The following BTF3L4 variants were observed in gnomAD, a reference collection of about 807,000 sequenced individuals.
BTF3L4 encodes basic transcription factor 3 like 4, also known as transcription factor BTF3 homolog 4.
In BTF3L4, 6 loss-of-function variants were observed where a neutral mutation model predicts 16.8. The ratio of observed to expected loss-of-function variants is 0.36; its 90% CI spans 0.20 to 0.71. The LOEUF (loss-of-function observed/expected upper bound fraction) is 0.71. BTF3L4 is among the 30% of genes least tolerant of loss of function. The pLI, the probability that BTF3L4 is intolerant of heterozygous loss-of-function variation, is 0.58. For missense variants in BTF3L4, 92 were observed against 186.9 expected, an observed-to-expected ratio of 0.49 and a Z score of 2.96; for synonymous variants, 39 against 59.8, an observed-to-expected ratio of 0.65 and a Z score of 1.60.
chr1:52,065,978 C>T (rs552111493), intron 3 of BTF3L4, among the ~76,000 whole-genome samples: 210 of 152,054 alleles, frequency 1.4e-3, no homozygotes, highest in African/African-American at 4.9e-3. Context: ...GCGGAGGTTA[C>T]GGTGAGCCAA....
At position 52,086,865 on chromosome 1, in the gene BTF3L4, T is replaced by A. The variant is rs758009244; in HGVS notation, c.*107T>A. 50 of 591,980 alleles carry A rather than the reference T, an allele frequency of 8.4e-5. No homozygotes were observed. The highest frequency in any genetic ancestry group is 1.2e-4 in the African/African-American group (6 of 51,724). The allele number at this position is 591,980 out of a possible 1,614,324, so 36.7% of individuals were successfully genotyped here. A position where few individuals can be genotyped will look rare whatever the true frequency, so the allele number is the denominator to read the frequency against. ...ATCACCTGTTACTAGTTCAGTAATATAAATATTTTGTATATTAATAATGCT... is the reference window on the plus strand; with the variant it reads ...ATCACCTGTTACTAGTTCAGTAATAAAAATATTTTGTATATTAATAATGCT... On this transcript the variant is annotated 3_prime_UTR_variant, in exon 6 of 6. Transcript: ENST00000313334.
chr1:52,088,087 A>G lies in BTF3L4; in HGVS notation c.*1329A>G, dbSNP rs905498829. 1 of 152,616 alleles carries G rather than the reference A, an allele frequency of 6.6e-6. No homozygotes were observed. The highest frequency in any genetic ancestry group is 2.4e-5 in the African/African-American group (1 of 41,452). 9.5% of individuals were successfully genotyped at this position (152,616 alleles called of 1,614,324 possible). On this transcript the variant is annotated 3_prime_UTR_variant, in exon 6 of 6. Transcript: ENST00000313334. ...CTAATAGAAGCTTACTTTTTGCTAT[A>G]TCAGCATTTGTTACAGCCAATATTT...
Position 52,089,579 on chromosome 1 carries a change from TAAC to T in BTF3L4, c.*2824_*2826del, listed in dbSNP as rs1644001460. 1 of 152,224 alleles carries T rather than the reference TAAC, an allele frequency of 6.6e-6. No individual in the cohort carries two copies. Among genetic ancestry groups the T allele is most frequent in the Non-Finnish European group, 1.5e-5 (1 of 68,034 alleles). 9.4% of individuals were successfully genotyped at this position (152,224 alleles called of 1,614,324 possible). On this transcript the variant is annotated 3_prime_UTR_variant, in exon 6 of 6. Coordinates refer to ENST00000313334, the MANE Select transcript of BTF3L4 (RefSeq NM_152265.5). The stretch of plus-strand genomic sequence containing the variant: ...TAAGATTAGGTATTTTTTGCCAAGA[TAAC>T]AATGATAAAAACATTTTGGGGGGGA...
At chr1:52,060,366 C>T (rs1686479075) in intron 2 of BTF3L4, 2 of 792,106 alleles carry the variant, frequency 2.5e-6, no homozygotes, top group Non-Finnish European at 3.5e-6. Context: ...TGGATGTTAC[C>T]TACTTGTACA....
intron 3 of BTF3L4, among the ~76,000 whole-genome samples, chr1:52,071,656 T>G (rs1301177772): frequency 6.6e-6 from 1 of 152,234 alleles, no homozygotes; most frequent in Admixed American, 6.5e-5. Context: ...ATAAATTTTG[T>G]AATTGGACAC....
At chr1:52,077,763 G>C (rs2124438428) in intron 3 of BTF3L4, among the ~76,000 whole-genome samples, 2 of 152,252 alleles carry the variant, frequency 1.3e-5, no homozygotes, top group Admixed American at 1.3e-4. Context: ...AATTTACCAG[G>C]TAGGAGGCTA....
rs190863568 is a variant in BTF3L4 at position 52,065,206 on chromosome 1, T to C, written c.168+268T>C. On this transcript the variant is annotated intron_variant, in intron 3 of 5. Coordinates refer to ENST00000313334, the MANE Select transcript of BTF3L4 (RefSeq NM_152265.5). Reference sequence around the variant, plus strand: ...TTATGTAAGTGTTCTTGAATATTAATATAAAATATGTCTCTAATAATGTAG... The same window carrying C: ...TTATGTAAGTGTTCTTGAATATTAACATAAAATATGTCTCTAATAATGTAG... 6 of 205,368 alleles carry C rather than the reference T, an allele frequency of 2.9e-5. No homozygotes were observed. The Admixed American group carries it at 3.6e-4, about 12-fold the overall frequency. The allele number at this position is 205,368 out of a possible 1,614,324, so 12.7% of individuals were successfully genotyped here. A position where few individuals can be genotyped will look rare whatever the true frequency, so the allele number is the denominator to read the frequency against.
intron 3 of BTF3L4, among the ~76,000 whole-genome samples, chr1:52,079,276 G>C (rs1296060212): frequency 6.6e-6 from 1 of 151,818 alleles, no homozygotes; most frequent in Non-Finnish European, 1.5e-5. Context: ...CCAGCTACTT[G>C]GGAGGCTGAG....
chr1:52,086,050 A>G, intron 4 of BTF3L4, 62 bp from the exon 5 acceptor site: 1 of 1,162,854 alleles, frequency 8.6e-7, no homozygotes, highest in Non-Finnish European at 1.2e-6. Context: ...AGGGATAAAC[A>G]TTATAAGTTT....
chr1:52,067,622 C>G (rs190520791), intron 3 of BTF3L4, among the ~76,000 whole-genome samples: 37 of 152,316 alleles, frequency 2.4e-4, no homozygotes, highest in African/African-American at 8.9e-4. Flanking sequence ...TAAGTCCTTT[C>G]AAACCTCTTT....
intron 3 of BTF3L4, 21 bp downstream of exon 3, chr1:52,064,959 G>T: frequency 7.0e-7 from 1 of 1,428,284 alleles, no homozygotes; most frequent in Non-Finnish European, 9.8e-7. Context: ...TTTGCAAGTT[G>T]TTAAATTGTG....
chr1:52,076,896 G>C (rs1337457502), intron 3 of BTF3L4, among the ~76,000 whole-genome samples: 1 of 152,168 alleles, frequency 6.6e-6, no homozygotes, highest in African/African-American at 2.4e-5. Flanking sequence ...AAGAGGCTAG[G>C]TGTGGTGACT....
intron 2 of BTF3L4, among the ~76,000 whole-genome samples, chr1:52,061,704 G>A (rs1186351681): frequency 1.5e-5 from 2 of 131,640 alleles, no homozygotes; most frequent in African/African-American, 5.7e-5. Context: ...TCAATGGCAC[G>A]ATCTCAGCTC....
chr1:52,086,826 C>T lies in BTF3L4; in HGVS notation c.*68C>T. 2.0e-6 allele frequency: 2 copies of T among 994,224 alleles called. No individual in the cohort carries two copies. The highest frequency in any genetic ancestry group is 1.7e-5 in the African/African-American group (1 of 60,236). The allele number at this position is 994,224 out of a possible 1,614,324, so 61.6% of individuals were successfully genotyped here. Reference sequence around the variant, plus strand: ...TCAGCTATGTGGTTCCAAAGTTTTACAGACATGGAGAACATCACCTGTTAC... The same window carrying T: ...TCAGCTATGTGGTTCCAAAGTTTTATAGACATGGAGAACATCACCTGTTAC... On this transcript the variant is annotated 3_prime_UTR_variant, in exon 6 of 6. Coordinates refer to ENST00000313334, the MANE Select transcript of BTF3L4 (RefSeq NM_152265.5).
intron 2 of BTF3L4, among the ~76,000 whole-genome samples, chr1:52,064,612 G>A (rs1686599146): frequency 6.6e-6 from 1 of 152,056 alleles, no homozygotes; most frequent in Non-Finnish European, 1.5e-5. Flanking sequence ...TGAAAAAGCT[G>A]ATAAGGAAAA....
chr1:52,057,941 T>A (rs1343305173), intron 1 of BTF3L4, among the ~76,000 whole-genome samples: 1 of 152,082 alleles, frequency 6.6e-6, no homozygotes, highest in African/African-American at 2.4e-5. Context: ...TCCCAACCTC[T>A]GTCTGTTCTC....
At chr1:52,066,276 A>G (rs967572644) in intron 3 of BTF3L4, among the ~76,000 whole-genome samples, 16 of 151,798 alleles carry the variant, frequency 1.1e-4, no homozygotes, top group African/African-American at 3.6e-4. Flanking sequence ...TCACTGCAAC[A>G]TCTGCCTTCT....
intron 3 of BTF3L4, among the ~76,000 whole-genome samples, chr1:52,070,474 G>A (rs1468268337): frequency 6.8e-6 from 1 of 146,132 alleles, no homozygotes; most frequent in Non-Finnish European, 1.5e-5. Flanking sequence ...CAGGGGAATC[G>A]CTTGAACCCT....
At chr1:52,081,341 C>T (rs757248750) in intron 3 of BTF3L4, among the ~76,000 whole-genome samples, 2 of 152,006 alleles carry the variant, frequency 1.3e-5, no homozygotes, top group Non-Finnish European at 2.9e-5. Flanking sequence ...ACCATGTTGG[C>T]CAAGCTGATT....
Sources: allele counts gnomAD v4.1 joint callset (sites outside exome capture counted in the v4.1 genomes callset), GRCh38; gene constraint gnomAD v4.1.1; transcripts MANE v1.5; gene names NCBI Gene and HGNC (gene_info 2026-07-23, HGNC 2026-07-21).